The following TLK2 variants were observed in gnomAD, a reference collection of about 807,000 sequenced individuals.
TLK2 encodes tousled like kinase 2.
A neutral mutation model predicts 117.3 loss-of-function variants in TLK2; 6 were observed. The ratio of observed to expected loss-of-function variants is 0.05; its 90% confidence interval spans 0.03 to 0.10. TLK2 has a LOEUF of 0.10. TLK2 is among the 10% of genes least tolerant of loss of function. The probability of loss-of-function intolerance (pLI) is 1.00; values close to 1 mark genes in which losing one functional copy is unlikely to be tolerated. For missense variants in TLK2, 299 were observed against 901.2 expected, an observed-to-expected ratio of 0.33 and a Z score of 8.56; for synonymous variants, 257 against 316.7, an observed-to-expected ratio of 0.81 and a Z score of 2.00.
At chr17:62,499,826 G>A (rs1449916468) in intron 2 of TLK2, among the ~76,000 whole-genome samples, 1 of 151,548 alleles carries the variant, frequency 6.6e-6, no homozygotes, top group Non-Finnish European at 1.5e-5. Context: ...ACTCTAGCCT[G>A]GGCGACAGAA....
chr17:62,501,242 GA>G (rs909794584), intron 2 of TLK2, among the ~76,000 whole-genome samples: 2 of 150,854 alleles, frequency 1.3e-5, no homozygotes, highest in South Asian at 4.2e-4. Context: ...CGTCTCAAAA[GA>G]AAAAAAAGAA....
chr17:62,514,633 C>A (rs1332386897), intron 2 of TLK2, among the ~76,000 whole-genome samples: 1 of 149,410 alleles, frequency 6.7e-6, no homozygotes, highest in Admixed American at 6.7e-5. Flanking sequence ...GGCTGGAGTG[C>A]AGTGGCGCGA....
intron 16 of TLK2, among the ~76,000 whole-genome samples, chr17:62,596,157 A>G (rs2082465106): frequency 6.6e-6 from 1 of 152,154 alleles, no homozygotes; most frequent in South Asian, 2.1e-4. Flanking sequence ...AGCTCACTGC[A>G]TCCTCCAACT....
intron 6 of TLK2, among the ~76,000 whole-genome samples, chr17:62,525,876 A>C (rs549420057): frequency 4.9e-4 from 74 of 152,384 alleles, no homozygotes; most frequent in African/African-American, 1.7e-3. Flanking sequence ...TTTCAAACCA[A>C]TTAAAGTCTA....
chr17:62,604,382 G>T (rs2083103362), intron 19 of TLK2, among the ~76,000 whole-genome samples: 1 of 145,566 alleles, frequency 6.9e-6, no homozygotes, highest in East Asian at 2.0e-4. Context: ...GATTTTGATT[G>T]TGATGGAATA....
At chr17:62,508,605 A>G in intron 2 of TLK2, 1 of 950,346 alleles carries the variant, frequency 1.1e-6, no homozygotes, top group Non-Finnish European at 1.3e-6. Context: ...TGTTAGTTAT[A>G]TGAAAGTCTC....
chr17:62,478,554 CGCCGCCCGTCGCCCGCCCTCA>C, upstream of TLK2, among the ~76,000 whole-genome samples: 1 of 150,126 alleles, frequency 6.7e-6, no homozygotes, highest in East Asian at 2.0e-4. Flanking sequence ...CGTCAGCCGG[CGCCGCCCGTCGCCCGCCCTCA>C]GCCGTCCGGC....
intron 2 of TLK2, among the ~76,000 whole-genome samples, chr17:62,501,058 G>A (rs2074148742): frequency 6.6e-6 from 1 of 152,090 alleles, no homozygotes; most frequent in Non-Finnish European, 1.5e-5. Context: ...CTAACGCGGT[G>A]AAACCCCATC....
intron 2 of TLK2, among the ~76,000 whole-genome samples, chr17:62,520,110 C>T (rs1330985885): frequency 6.6e-6 from 1 of 152,168 alleles, no homozygotes; most frequent in Non-Finnish European, 1.5e-5. Flanking sequence ...GCTACCCCAG[C>T]TCTAGGAGGG....
intron 18 of TLK2, 80 bp downstream of exon 18, chr17:62,600,900 A>G: frequency 2.2e-6 from 3 of 1,365,370 alleles, no homozygotes; most frequent in Non-Finnish European, 3.0e-6. Flanking sequence ...AAAGTTAGAG[A>G]ATTTCACAGC....
chr17:62,472,657 G>A (rs572479125), intron 1 of TLK2, among the ~76,000 whole-genome samples: 4 of 151,616 alleles, frequency 2.6e-5, no homozygotes, highest in Non-Finnish European at 5.9e-5. Flanking sequence ...AGAATCTCTT[G>A]AATCCAGGAG....
intron 17 of TLK2, among the ~76,000 whole-genome samples, chr17:62,598,070 A>T (rs1484934625): frequency 1.3e-5 from 2 of 152,148 alleles, no homozygotes; most frequent in Non-Finnish European, 2.9e-5. Flanking sequence ...GACCTGGGCC[A>T]TTCTCTCAGG....
chr17:62,589,014 CAA>C (rs2081871713), intron 16 of TLK2, among the ~76,000 whole-genome samples: 2 of 152,196 alleles, frequency 1.3e-5, no homozygotes, highest in South Asian at 4.1e-4. Flanking sequence ...CATCTGGAAT[CAA>C]GACATTTATT....
chr17:62,472,733 G>T, intron 1 of TLK2, among the ~76,000 whole-genome samples: 1 of 147,474 alleles, frequency 6.8e-6, no homozygotes, highest in South Asian at 2.2e-4. Flanking sequence ...GCAAGACCCC[G>T]TCTCAAAAAA....
chr17:62,491,274 A>G (rs1177315774), intron 2 of TLK2, among the ~76,000 whole-genome samples: 1 of 152,108 alleles, frequency 6.6e-6, no homozygotes, highest in Non-Finnish European at 1.5e-5. Context: ...CTTTAAAGTC[A>G]TTTATTTCCT....
intron 15 of TLK2, among the ~76,000 whole-genome samples, chr17:62,584,036 AGAAAATT>A (rs1171362266): frequency 6.6e-6 from 1 of 151,696 alleles, no homozygotes; most frequent in Non-Finnish European, 1.5e-5. Flanking sequence ...TAGTAGTTAG[AGAAAATT>A]ATGCTTGAAA....
chr17:62,602,301 A>T (rs540194379), intron 19 of TLK2, 121 bp downstream of exon 19: 26 of 949,620 alleles, frequency 2.7e-5, no homozygotes, highest in Admixed American at 1.3e-4. Context: ...AAACCAAAGC[A>T]GACTTTCTCC....
chr17:62,518,084 T>C (rs2075757812), intron 2 of TLK2, among the ~76,000 whole-genome samples: 1 of 152,246 alleles, frequency 6.6e-6, no homozygotes, highest in African/African-American at 2.4e-5. Context: ...TTTTAGCCCA[T>C]TTATGCTTAG....
At chr17:62,475,924 T>G (rs1354549804), upstream of TLK2, among the ~76,000 whole-genome samples, 2 of 152,046 alleles carry the variant, frequency 1.3e-5, no homozygotes, top group African/African-American at 4.8e-5. Context: ...CCTCCCAAAA[T>G]GCTGTGATTA....
Sources: gnomAD v4.1 joint callset for allele counts (sites outside exome capture counted in the v4.1 genomes callset) on GRCh38, gnomAD v4.1.1 for gene constraint, MANE v1.5 for transcripts, NCBI Gene and HGNC (gene_info 2026-07-23, HGNC 2026-07-21) for gene names.